The following ANKFN1 variants were observed in gnomAD, a reference collection of about 807,000 sequenced individuals.
ANKFN1 encodes the protein ankyrin repeat and fibronectin type III domain containing 1.
A neutral mutation model predicts 108.7 loss-of-function variants in ANKFN1; 74 were observed. That is an observed-to-expected ratio of 0.68 (90% CI 0.56 to 0.83). The LOEUF (loss-of-function observed/expected upper bound fraction) is 0.83. Among genes scored for constraint, ANKFN1 ranks in the 40% least tolerant of loss-of-function variants. The pLI, the probability that ANKFN1 is intolerant of heterozygous loss-of-function variation, is 0.00. For missense variants in ANKFN1, 1,505 were observed against 1,382.3 expected, an observed-to-expected ratio of 1.09 and a Z score of -1.41; for synonymous variants, 547 against 516.2, an observed-to-expected ratio of 1.06 and a Z score of -0.81.
chr17:56,126,778 G>A (rs542219233), intron 4 of ANKFN1, among the ~76,000 whole-genome samples: 21 of 152,278 alleles, frequency 1.4e-4, no homozygotes, highest in South Asian at 4.1e-4. Context: ...GTAAAATAGT[G>A]CAGAAACAGC....
At chr17:56,368,119 A>G in intron 6 of ANKFN1, 1 of 1,230,708 alleles carries the variant, frequency 8.1e-7, no homozygotes, top group South Asian at 1.7e-5. Flanking sequence ...GTTAGTGACA[A>G]TGAGCCTGAT....
chr17:56,381,556 T>C (rs1304977838), intron 8 of ANKFN1, among the ~76,000 whole-genome samples: 1 of 152,054 alleles, frequency 6.6e-6, no homozygotes, highest in Admixed American at 6.6e-5. Flanking sequence ...TAGATGAATG[T>C]ATAACTAGAA....
intron 8 of ANKFN1, among the ~76,000 whole-genome samples, chr17:56,418,480 G>A (rs2048305625): frequency 1.3e-5 from 2 of 152,042 alleles, no homozygotes; most frequent in Non-Finnish European, 2.9e-5. Context: ...TGTTCAAGTC[G>A]ATTTTCTTAG....
At chr17:56,309,856 T>G (rs1354321148) in intron 3 of ANKFN1, among the ~76,000 whole-genome samples, 1 of 152,270 alleles carries the variant, frequency 6.6e-6, no homozygotes, top group African/African-American at 2.4e-5. Flanking sequence ...CAAAATATCT[T>G]ATTGCACTCT....
At chr17:56,223,420 T>A (rs1348095034) in intron 2 of ANKFN1, among the ~76,000 whole-genome samples, 2 of 152,106 alleles carry the variant, frequency 1.3e-5, no homozygotes, top group Admixed American at 1.3e-4. Context: ...TAAAAAGGTA[T>A]AAAGAAATCA....
chr17:56,380,224 T>G (rs568869219), intron 8 of ANKFN1, among the ~76,000 whole-genome samples: 104 of 152,364 alleles, frequency 6.8e-4, no homozygotes, highest in Non-Finnish European at 6.3e-4. Context: ...ACGGCTGTTA[T>G]GAATGAACTC....
At chr17:56,499,476 C>T (rs769636683) in intron 20 of ANKFN1, among the ~76,000 whole-genome samples, 37 of 152,018 alleles carry the variant, frequency 2.4e-4, no homozygotes, top group Non-Finnish European at 4.9e-4. Context: ...GAGAACAGGC[C>T]CAACCTCTAT....
chr17:56,168,280 T>C (rs1040912837), intron 1 of ANKFN1, among the ~76,000 whole-genome samples: 1 of 148,504 alleles, frequency 6.7e-6, no homozygotes, highest in Non-Finnish European at 1.5e-5. Flanking sequence ...AAAAGGCTGA[T>C]GAGGATAATA....
At chr17:56,204,332 C>CA (rs1274972613) in intron 1 of ANKFN1, among the ~76,000 whole-genome samples, 2 of 150,266 alleles carry the variant, frequency 1.3e-5, no homozygotes, top group Non-Finnish European at 3.0e-5. Flanking sequence ...AGGCATGAGC[C>CA]ACCACGCCCA....
At chr17:56,061,314 C>T (rs1400453465) in intron 4 of ANKFN1, among the ~76,000 whole-genome samples, 1 of 137,600 alleles carries the variant, frequency 7.3e-6, no homozygotes, top group Non-Finnish European at 1.5e-5. Context: ...TCTTGTCACC[C>T]AGGCTGGAGT....
intron 1 of ANKFN1, among the ~76,000 whole-genome samples, chr17:56,193,720 A>G (rs907460144): frequency 6.6e-6 from 1 of 152,238 alleles, no homozygotes; most frequent in African/African-American, 2.4e-5. Context: ...TGATTTCACA[A>G]TGACTTTTTA....
intron 8 of ANKFN1, among the ~76,000 whole-genome samples, chr17:56,409,737 T>C (rs11079228): frequency 0.62 from 94,914 of 151,964 alleles, 31,187 homozygotes; most frequent in East Asian, 0.96. Context: ...TTAATATGCC[T>C]AGCTTTTTTC....
At position 56,055,577 on chromosome 17, in the gene ANKFN1, ATATATATATATG is replaced by A. The variant is rs560184812; in HGVS notation, c.288+9261_288+9272del. ...GTGTGGTATATATACATATATATAT[ATATATATATATG>A]TATATATACACATTTTTTTATCCAG... is the stretch of plus-strand genomic sequence containing the variant. On this transcript the variant is annotated intron_variant, in intron 4 of 12. Transcript: ENST00000635860. Among the ~76,000 whole-genome samples the A allele has an allele frequency of 3.2e-3, 348 of 108,374 alleles. 46 individuals are homozygous for A. The highest frequency in any genetic ancestry group is 4.6e-3 in the African/African-American group (95 of 20,596). 71.1% of individuals were successfully genotyped at this position (108,374 alleles called of 152,430 possible). A position where few individuals can be genotyped will look rare whatever the true frequency, so the allele number is the denominator to read the frequency against.
chr17:56,388,879 A>C (rs2047349619), intron 8 of ANKFN1, among the ~76,000 whole-genome samples: 1 of 152,190 alleles, frequency 6.6e-6, no homozygotes. Flanking sequence ...TGCCTATCAC[A>C]GTAACAAAGC....
intron 6 of ANKFN1, among the ~76,000 whole-genome samples, chr17:56,365,644 G>GTTATATTTCAGCTAT (rs2046641214): frequency 6.6e-6 from 1 of 152,108 alleles, no homozygotes; most frequent in African/African-American, 2.4e-5. Context: ...TTCAGTCAAT[G>GTTATATTTCAGCTAT]GTAAGCTATG....
At chr17:56,155,130 G>T (rs1029519889) in intron 1 of ANKFN1, among the ~76,000 whole-genome samples, 1 of 152,170 alleles carries the variant, frequency 6.6e-6, no homozygotes, top group Non-Finnish European at 1.5e-5. Flanking sequence ...GACAGAGGAG[G>T]AAGTAGAGCA....
At position 56,061,612 on chromosome 17, in the gene ANKFN1, T is replaced by G. The variant is rs569607547; in HGVS notation, c.288+15287T>G. Among the ~76,000 whole-genome samples the G allele has an allele frequency of 2.0e-5, 3 of 152,282 alleles. 1 individual carries two copies. In the South Asian group the frequency reaches 6.2e-4, roughly 32 times the overall value. ...CTATGGGGTCAGTGGTGACATCCCC[T>G]TCATCATTTTTTATTGTGTGTATTT... On this transcript the variant is annotated intron_variant, in intron 4 of 12. Transcript: ENST00000635860.
chr17:56,449,851 A>G (rs1210556612), intron 11 of ANKFN1, among the ~76,000 whole-genome samples: 1 of 152,078 alleles, frequency 6.6e-6, no homozygotes, highest in African/African-American at 2.4e-5. Context: ...CTGAATTTTA[A>G]TCTTCCTCTG....
chr17:56,210,187 T>C (rs1312220399), intron 1 of ANKFN1, among the ~76,000 whole-genome samples: 1 of 152,216 alleles, frequency 6.6e-6, no homozygotes, highest in African/African-American at 2.4e-5. Context: ...CAATTGCGAA[T>C]GGTGCTGCTA....
Sources: gnomAD v4.1 joint callset for allele counts (sites outside exome capture counted in the v4.1 genomes callset) on GRCh38, gnomAD v4.1.1 for gene constraint, MANE v1.5 for transcripts, NCBI Gene and HGNC (gene_info 2026-07-23, HGNC 2026-07-21) for gene names.